PSD2: variants seen among roughly 807,000 people sequenced by gnomAD.
The protein encoded by PSD2 is pleckstrin and Sec7 domain containing 2, also known as PH and SEC7 domain-containing protein 2.
In PSD2, 38 loss-of-function variants were observed where a neutral mutation model predicts 69.8. The ratio of observed to expected loss-of-function variants is 0.54; its 90% CI spans 0.42 to 0.71. The LOEUF (loss-of-function observed/expected upper bound fraction) is 0.71, where lower values mean the gene tolerates loss of function less well. Among genes scored for constraint, PSD2 ranks in the 30% least tolerant of loss-of-function variants. PSD2 has a pLI of 0.00. For missense variants in PSD2, 943 were observed against 1,014.5 expected (o/e 0.93, Z 0.96); for synonymous variants, 412 against 423.0 (o/e 0.97, Z 0.32).
chr5:139,775,666 TCTC>T, the PSD2 span, among the ~76,000 whole-genome samples: 1 of 151,818 alleles, frequency 6.6e-6, no homozygotes, highest in African/African-American at 2.4e-5. Context: ...GTCTTCTCCT[TCTC>T]CTTTCTTCTT....
chr5:139,840,107 G>A lies in PSD2; in HGVS notation c.2049G>A (p.Glu683=). ...CCGAACACAGGTGTCACCCAGTCGA[G>A]AGGGGCATCAAGTCCAAGGAGGCCG... ...ELAEHRCHPV[E]RGIKSKEAEE... is the part of the protein sequence containing the mutation. Residue 683 remains glutamate, a synonymous_variant, in exon 14 of 15, where the codon GAG becomes GAA. Coordinates refer to ENST00000274710, the MANE Select transcript of PSD2 (RefSeq NM_032289.4). 1 of 1,614,222 alleles carries A rather than the reference G, an allele frequency of 6.2e-7. No homozygotes were observed. The highest frequency in any genetic ancestry group is 1.7e-5 in the Admixed American group (1 of 60,032).
chr5:139,791,217 C>T (rs183131783), upstream of PSD2, among the ~76,000 whole-genome samples: 3 of 151,862 alleles, frequency 2.0e-5, no homozygotes, highest in East Asian at 5.8e-4. Context: ...ATCACTTGAG[C>T]CCAGGAAGTC....
At chr5:139,811,954 T>C (rs926712431) in intron 2 of PSD2, among the ~76,000 whole-genome samples, 2 of 152,148 alleles carry the variant, frequency 1.3e-5, no homozygotes, top group African/African-American at 2.4e-5. Context: ...ATCCCTTTCC[T>C]CTGTCTCTTT....
intron 7 of PSD2, among the ~76,000 whole-genome samples, chr5:139,825,201 C>G (rs1229443238): frequency 6.6e-6 from 1 of 152,204 alleles, no homozygotes; most frequent in Non-Finnish European, 1.5e-5. Flanking sequence ...TGTGATGGGT[C>G]CGGTCTAAGG....
At chr5:139,749,622 C>T in the PSD2 span, among the ~76,000 whole-genome samples, 13 of 152,206 alleles carry the variant, frequency 8.5e-5, no homozygotes, top group Non-Finnish European at 1.5e-4. Context: ...TGGTCATCTA[C>T]GGTATCCTTT....
chr5:139,792,883 C>CTTCCT (rs1029291774), upstream of PSD2, among the ~76,000 whole-genome samples: 2 of 132,190 alleles, frequency 1.5e-5, no homozygotes, highest in Admixed American at 8.7e-5. Context: ...TCCTTCCTTC[C>CTTCCT]TTCCTTCCTT....
the PSD2 span, among the ~76,000 whole-genome samples, chr5:139,766,916 CCTTCCTTCCTTCCCTTCTTT>C: frequency 2.0e-4 from 9 of 44,952 alleles, no homozygotes; most frequent in African/African-American, 6.5e-4. Flanking sequence ...TCCCTTCCTT[CCTTCCTTCCTTCCCTTCTTT>C]CTTTCTTTCT....
At chr5:139,836,538 G>T (rs1032863148) in intron 9 of PSD2, among the ~76,000 whole-genome samples, 10 of 152,230 alleles carry the variant, frequency 6.6e-5, no homozygotes, top group Admixed American at 4.6e-4. Flanking sequence ...TGACAGTTAA[G>T]TCTCCACGTT....
the PSD2 span, among the ~76,000 whole-genome samples, chr5:139,750,343 C>CA: frequency 7.4e-4 from 112 of 151,078 alleles, no homozygotes; most frequent in South Asian, 8.4e-4. Flanking sequence ...AAAAACAAAA[C>CA]AAAAAAAAAC....
At chr5:139,770,051 C>G in the PSD2 span, among the ~76,000 whole-genome samples, 1 of 152,326 alleles carries the variant, frequency 6.6e-6, no homozygotes, top group Non-Finnish European at 1.5e-5. Context: ...CCGGCTGGGG[C>G]TCCTGTGTGC....
At chr5:139,830,558 C>CT (rs1452399125) in intron 7 of PSD2, among the ~76,000 whole-genome samples, 17 of 136,404 alleles carry the variant, frequency 1.2e-4, no homozygotes, top group African/African-American at 5.0e-4. Flanking sequence ...TCCTTCCTTC[C>CT]TTCCTTCCTT....
At chr5:139,808,317 C>T (rs542935610) in intron 1 of PSD2, among the ~76,000 whole-genome samples, 73 of 152,358 alleles carry the variant, frequency 4.8e-4, no homozygotes, top group African/African-American at 1.7e-3. Context: ...TTACACATTA[C>T]ATCTGCCCTC....
At chr5:139,789,802 G>T in the PSD2 span, among the ~76,000 whole-genome samples, 1 of 152,224 alleles carries the variant, frequency 6.6e-6, no homozygotes, top group Admixed American at 6.5e-5. Flanking sequence ...GAAAGGACAA[G>T]CATATGGTAT....
the PSD2 span, among the ~76,000 whole-genome samples, chr5:139,762,365 C>G: frequency 6.6e-6 from 1 of 151,746 alleles, no homozygotes; most frequent in African/African-American, 2.4e-5. Context: ...TTTCTTAAGA[C>G]AGGGTCTTGC....
chr5:139,791,404 T>C (rs574950890), upstream of PSD2, among the ~76,000 whole-genome samples: 263 of 152,256 alleles, frequency 1.7e-3, 1 homozygote, highest in African/African-American at 6.2e-3. Flanking sequence ...CACTCCAGCC[T>C]GGGTATTCCT....
chr5:139,751,290 A>G, the PSD2 span, among the ~76,000 whole-genome samples: 2 of 152,142 alleles, frequency 1.3e-5, no homozygotes, highest in African/African-American at 2.4e-5. Context: ...GATGGTTCAC[A>G]AACTCCTCTC....
chr5:139,839,664 G>A lies in PSD2; in HGVS notation c.1969-363G>A, dbSNP rs558763405. 3.9e-4 allele frequency among the ~76,000 whole-genome samples: 60 copies of A among 152,378 alleles called. No individual in the cohort carries two copies. The highest frequency in any genetic ancestry group is 6.6e-4 in the Non-Finnish European group (45 of 68,038). On this transcript the variant is annotated intron_variant, in intron 13 of 14. Coordinates refer to ENST00000274710, the MANE Select transcript of PSD2 (RefSeq NM_032289.4). The surrounding 1 kb of genome is among the most constrained non-coding windows in gnomAD (Gnocchi z 5.1). ...GGGGCCAGGCTGGCCTTGGTCCGGG[G>A]TGTTTGTGTGTGCACATGGGAGTGC...
chr5:139,787,638 C>A, the PSD2 span, among the ~76,000 whole-genome samples: 1 of 152,206 alleles, frequency 6.6e-6, no homozygotes, highest in Non-Finnish European at 1.5e-5. Flanking sequence ...GCAGGTGGCG[C>A]CCCGACCCCA....
chr5:139,803,973 C>A (rs1403035523), intron 1 of PSD2, among the ~76,000 whole-genome samples: 1 of 152,158 alleles, frequency 6.6e-6, no homozygotes, highest in Non-Finnish European at 1.5e-5. Flanking sequence ...CCCTACTGCC[C>A]ATGCTGCCAG....
Sources: gnomAD v4.1 joint callset for allele counts (sites outside exome capture counted in the v4.1 genomes callset) on GRCh38, gnomAD v4.1.1 for gene constraint, Gnocchi (gnomAD v3.1) non-coding constraint, MANE v1.5 for transcripts, NCBI Gene and HGNC (gene_info 2026-07-23, HGNC 2026-07-21) for gene names.